Variants in NKAIN2 observed in about 807,000 individuals in gnomAD.
The protein encoded by NKAIN2 is sodium/potassium transporting ATPase interacting 2.
In NKAIN2, 14 loss-of-function variants were observed where a neutral mutation model predicts 32.6. That is an observed-to-expected ratio of 0.43 (90% CI 0.28 to 0.67). The LOEUF is 0.67. Among genes scored for constraint, NKAIN2 ranks in the 30% least tolerant of loss-of-function variants. The pLI, the probability that NKAIN2 is intolerant of heterozygous loss-of-function variation, is 0.17. For missense variants in NKAIN2, 198 were observed against 258.3 expected (o/e 0.77, Z 1.60); for synonymous variants, 80 against 87.2 (o/e 0.92, Z 0.46).
At chr6:124,255,718 C>G (rs1009438175) in intron 1 of NKAIN2, among the ~76,000 whole-genome samples, 1 of 152,220 alleles carries the variant, frequency 6.6e-6, no homozygotes, top group African/African-American at 2.4e-5. Context: ...CATTGATGCA[C>G]AAACAAACCA....
chr6:124,669,328 G>A (rs1274667460), intron 4 of NKAIN2, among the ~76,000 whole-genome samples: 22 of 152,128 alleles, frequency 1.4e-4, no homozygotes, highest in Admixed American at 1.4e-3. Flanking sequence ...TACATACAGG[G>A]GTGAGTCAAA....
intron 2 of NKAIN2, among the ~76,000 whole-genome samples, chr6:124,316,955 T>C (rs1796978233): frequency 6.6e-6 from 1 of 152,088 alleles, no homozygotes; most frequent in Non-Finnish European, 1.5e-5. Flanking sequence ...TTGGTAGCTA[T>C]GGAAGGTTAA....
At position 124,011,916 on chromosome 6, in the gene NKAIN2, C is replaced by G. The variant is rs1488325606; in HGVS notation, c.54+207662C>G. 3.9e-5 allele frequency among the ~76,000 whole-genome samples: 6 copies of G among 152,066 alleles called. No individual in the cohort carries two copies. In the South Asian group the frequency reaches 1.0e-3, roughly 26 times the overall value. On this transcript the variant is annotated intron_variant, in intron 1 of 6. Transcript: ENST00000368417. ...TCCCATGATTATGAACATCAATGGG[C>G]TTTTCATGATAAATAGGACAGAATT...
chr6:124,724,718 T>A (rs1583727525), intron 4 of NKAIN2, among the ~76,000 whole-genome samples: 1 of 152,360 alleles, frequency 6.6e-6, no homozygotes, highest in African/African-American at 2.4e-5. Flanking sequence ...TTCATTAATA[T>A]GTACAACTCT....
intron 4 of NKAIN2, among the ~76,000 whole-genome samples, chr6:124,701,760 G>T (rs1290053873): frequency 6.6e-6 from 1 of 152,060 alleles, no homozygotes; most frequent in African/African-American, 2.4e-5. Flanking sequence ...TAAGAACCTA[G>T]AAATTTTTTG....
At chr6:124,287,514 T>C (rs1165874376) in intron 2 of NKAIN2, among the ~76,000 whole-genome samples, 2 of 152,292 alleles carry the variant, frequency 1.3e-5, no homozygotes, top group South Asian at 2.1e-4. Flanking sequence ...ATTAGTGCCA[T>C]AGAGAGCTTC....
chr6:124,380,232 G>C (rs746557320), intron 3 of NKAIN2, among the ~76,000 whole-genome samples: 4 of 152,186 alleles, frequency 2.6e-5, no homozygotes, highest in African/African-American at 4.8e-5. Context: ...ATTTAGGTTC[G>C]GGATTTCCTT....
chr6:124,677,756 G>A (rs1050212943), intron 4 of NKAIN2, among the ~76,000 whole-genome samples: 1 of 152,032 alleles, frequency 6.6e-6, no homozygotes, highest in Admixed American at 6.5e-5. Flanking sequence ...TACCATTACA[G>A]TTTTACAGTA....
chr6:124,672,367 A>G (rs372877204), intron 4 of NKAIN2, among the ~76,000 whole-genome samples: 1 of 152,188 alleles, frequency 6.6e-6, no homozygotes, highest in Admixed American at 6.6e-5. Flanking sequence ...CACCCTTCTA[A>G]CATTAAAAGG....
chr6:124,420,918 A>C (rs1220470831), intron 3 of NKAIN2, among the ~76,000 whole-genome samples: 5 of 151,978 alleles, frequency 3.3e-5, no homozygotes, highest in Non-Finnish European at 7.4e-5. Flanking sequence ...TAGAATTTGT[A>C]CTAGAAAAAA....
chr6:123,858,046 C>T (rs1775626677), intron 1 of NKAIN2, among the ~76,000 whole-genome samples: 1 of 152,082 alleles, frequency 6.6e-6, no homozygotes, highest in Non-Finnish European at 1.5e-5. Context: ...AAACTATCCA[C>T]TCCTGGGAAG....
intron 1 of NKAIN2, among the ~76,000 whole-genome samples, chr6:123,850,373 C>T (rs12198858): frequency 0.53 from 56,954 of 107,894 alleles, 12,361 homozygotes; most frequent in African/African-American, 0.59. Flanking sequence ...TATATATATA[C>T]ACACACACAC....
chr6:124,482,189 C>T (rs1348853289), intron 3 of NKAIN2, among the ~76,000 whole-genome samples: 1 of 152,114 alleles, frequency 6.6e-6, no homozygotes, highest in African/African-American at 2.4e-5. Flanking sequence ...GCAGGCAGAT[C>T]TTTAACTATA....
intron 1 of NKAIN2, among the ~76,000 whole-genome samples, chr6:124,019,644 A>G (rs1404727820): frequency 4.6e-5 from 7 of 152,214 alleles, no homozygotes; most frequent in Non-Finnish European, 1.0e-4. Context: ...ATTATGGATC[A>G]TCTTCTAGAA....
intron 1 of NKAIN2, among the ~76,000 whole-genome samples, chr6:123,908,152 C>T (rs78744065): frequency 0.072 from 10,917 of 152,000 alleles, 646 homozygotes; most frequent in African/African-American, 0.16. Context: ...AATGAGTTTC[C>T]CTTGCATTTA....
At chr6:124,701,083 G>A (rs1304688889) in intron 4 of NKAIN2, among the ~76,000 whole-genome samples, 1 of 148,176 alleles carries the variant, frequency 6.7e-6, no homozygotes, top group Non-Finnish European at 1.5e-5. Context: ...CATACACTGT[G>A]ATCATCTAGA....
At chr6:124,268,711 C>A (rs1328034182) in intron 1 of NKAIN2, among the ~76,000 whole-genome samples, 1 of 150,824 alleles carries the variant, frequency 6.6e-6, no homozygotes, top group Non-Finnish European at 1.5e-5. Flanking sequence ...TATATTATAA[C>A]ATATATATTT....
intron 5 of NKAIN2, among the ~76,000 whole-genome samples, chr6:124,813,918 C>A (rs1364056407): frequency 6.6e-6 from 1 of 152,098 alleles, no homozygotes; most frequent in Non-Finnish European, 1.5e-5. Flanking sequence ...TGTTTTATGA[C>A]CCTTATTGCT....
intron 3 of NKAIN2, among the ~76,000 whole-genome samples, chr6:124,541,372 A>G (rs1210944563): frequency 3.3e-5 from 5 of 152,176 alleles, no homozygotes; most frequent in African/African-American, 1.2e-4. Context: ...TTCCCCATTC[A>G]TACAACAAAA....
Sources: gnomAD v4.1 joint callset for allele counts (sites outside exome capture counted in the v4.1 genomes callset) on GRCh38, gnomAD v4.1.1 for gene constraint, MANE v1.5 for transcripts, NCBI Gene and HGNC (gene_info 2026-07-23, HGNC 2026-07-21) for gene names.